Variants in ARFGEF3 observed in about 807,000 individuals in gnomAD.
ARFGEF3 encodes brefeldin A-inhibited guanine nucleotide-exchange protein 3.
ARFGEF3 carries 96 observed loss-of-function variants against 221.7 expected under a neutral mutation model. The observed-to-expected ratio is 0.43, with a 90% CI of 0.37 to 0.51. The LOEUF (loss-of-function observed/expected upper bound fraction) is 0.51. Ranked by LOEUF, ARFGEF3 falls within the 20% of genes least tolerant of loss-of-function variation. ARFGEF3 has a pLI of 0.00. For synonymous variants in ARFGEF3, 1,145 were observed against 1,126.8 expected, an observed-to-expected ratio of 1.02 and a Z score of -0.32; for missense variants, 2,410 against 2,789.9, an observed-to-expected ratio of 0.86 and a Z score of 3.07.
At position 138,338,277 on chromosome 6, in the gene ARFGEF3, T is replaced by C. The variant is rs1409184557; in HGVS notation, c.*1791T>C. On this transcript the variant is annotated 3_prime_UTR_variant, in exon 34 of 34. Coordinates refer to ENST00000251691, the MANE Select transcript of ARFGEF3 (RefSeq NM_020340.5). The stretch of plus-strand genomic sequence containing the variant: ...GAATTTTTACATTTTATAAATGGAA[T>C]TGAAAGTTGGATAACTGCTTTTTTT... 1 of 152,228 alleles carries C rather than the reference T, an allele frequency of 6.6e-6. No individual in the cohort carries two copies. The highest frequency in any genetic ancestry group is 1.5e-5 in the Non-Finnish European group (1 of 68,036). The allele number at this position is 152,228 out of a possible 1,614,324, so 9.4% of individuals were successfully genotyped here.
At chr6:138,230,749 T>A (rs549197166) in intron 5 of ARFGEF3, among the ~76,000 whole-genome samples, 1 of 152,330 alleles carries the variant, frequency 6.6e-6, no homozygotes, top group East Asian at 1.9e-4. Context: ...TCAGCTGACC[T>A]CTCATTACAA....
In ARFGEF3 at chr6:138,334,603, C is replaced by A; in HGVS notation, c.5757C>A (p.His1919Gln). ...MELCNNYIQM[H>Q]LDLENCMEEP... Reference sequence around the variant, plus strand: ...TGTGCAACAACTACATCCAGATGCACTTGGACCTGGAGAACTGTATGGAGG... The same window carrying A: ...TGTGCAACAACTACATCCAGATGCAATTGGACCTGGAGAACTGTATGGAGG... Residue 1919 changes from histidine to glutamine, a missense_variant, in exon 33 of 34, where the codon CAC (histidine) becomes CAA (glutamine). Coordinates refer to ENST00000251691, the MANE Select transcript of ARFGEF3 (RefSeq NM_020340.5). The surrounding 1 kb of genome is among the most constrained non-coding windows in gnomAD (Gnocchi z 5.1). 1 of 1,613,718 alleles carries A rather than the reference C, an allele frequency of 6.2e-7. No individual in the cohort carries two copies. Among genetic ancestry groups the A allele is most frequent in the Non-Finnish European group, 8.5e-7 (1 of 1,179,896 alleles).
chr6:138,330,336 T>C (rs77643919), intron 32 of ARFGEF3, among the ~76,000 whole-genome samples: 9,901 of 152,102 alleles, frequency 0.065, 956 homozygotes, highest in African/African-American at 0.22. Flanking sequence ...ATGGAGAAGA[T>C]GGTCACCTGT....
chr6:138,317,163 A>C, intron 26 of ARFGEF3, 88 bp from the exon 27 acceptor site: 1 of 1,426,442 alleles, frequency 7.0e-7, no homozygotes, highest in South Asian at 1.3e-5. Context: ...AGCACTTGGC[A>C]GTTTACATAC....
chr6:138,264,280 A>AG (rs1412176726), intron 12 of ARFGEF3, among the ~76,000 whole-genome samples: 1 of 152,264 alleles, frequency 6.6e-6, no homozygotes, highest in African/African-American at 2.4e-5. Flanking sequence ...CAGATAAAGA[A>AG]TACAGGGAAG....
At chr6:138,168,644 G>A (rs1325918985) in intron 1 of ARFGEF3, among the ~76,000 whole-genome samples, 1 of 152,208 alleles carries the variant, frequency 6.6e-6, no homozygotes, top group Non-Finnish European at 1.5e-5. Context: ...TGACAGCTTG[G>A]ACCAAAGTGG....
intron 2 of ARFGEF3, among the ~76,000 whole-genome samples, chr6:138,186,902 C>CTTTTTTTT (rs71693484): frequency 6.7e-4 from 51 of 76,054 alleles, no homozygotes; most frequent in African/African-American, 1.8e-3. Flanking sequence ...CATCCTTTTT[C>CTTTTTTTT]TTTTTTTTTT....
intron 2 of ARFGEF3, among the ~76,000 whole-genome samples, chr6:138,202,620 G>A: frequency 6.7e-6 from 1 of 148,182 alleles, no homozygotes; most frequent in African/African-American, 2.5e-5. Flanking sequence ...GTTGATTTTT[G>A]TTAGCTGTTT....
chr6:138,277,783 A>G (rs1053652698), intron 12 of ARFGEF3, among the ~76,000 whole-genome samples: 6 of 152,362 alleles, frequency 3.9e-5, no homozygotes, highest in African/African-American at 1.4e-4. Context: ...TGTTAATATA[A>G]AACTGGGTAG....
In ARFGEF3 at chr6:138,335,181, A is replaced by G; in HGVS notation, c.6335A>G (p.Gln2112Arg). 6.5e-7 allele frequency: 1 copy of G among 1,539,884 alleles called. No homozygotes were observed. The highest frequency in any genetic ancestry group is 8.7e-7 in the Non-Finnish European group (1 of 1,151,578). Reference protein sequence around the residue: ...LSVSVRDAEAQIQAWTNMVLT... With the variant: ...LSVSVRDAEARIQAWTNMVLT... ...GTCTCGGTGAGAGACGCAGAAGCACAGATCCAGGTACATCCCTGTGGCCAC... is the reference window on the plus strand; with the variant it reads ...GTCTCGGTGAGAGACGCAGAAGCACGGATCCAGGTACATCCCTGTGGCCAC... The change falls in exon 33 of 34, where the codon CAG becomes CGG. Residue 2112 changes from glutamine to arginine, a missense_variant. By Grantham distance (43) the Gln-to-Arg change is conservative (BLOSUM62 1). This residue lies in a region of ARFGEF3 where 339 missense variants were observed against 334.9 expected (regional missense o/e 1.01). Transcript: ENST00000251691.
intron 2 of ARFGEF3, among the ~76,000 whole-genome samples, chr6:138,198,054 A>G (rs1387822452): frequency 6.6e-6 from 1 of 152,168 alleles, no homozygotes; most frequent in Admixed American, 6.5e-5. Flanking sequence ...GATTTTTCTT[A>G]TATACATGTG....
chr6:138,257,557 T>G (rs1422535624), intron 10 of ARFGEF3, among the ~76,000 whole-genome samples: 1 of 152,202 alleles, frequency 6.6e-6, no homozygotes, highest in Non-Finnish European at 1.5e-5. Context: ...GTCAAATGGT[T>G]TGCCCAAAGT....
chr6:138,262,450 C>A (rs1778812619), intron 11 of ARFGEF3, among the ~76,000 whole-genome samples: 1 of 152,158 alleles, frequency 6.6e-6, no homozygotes, highest in African/African-American at 2.4e-5. Context: ...CCTCAGCGTC[C>A]CAAAGTGCTG....
At chr6:138,203,079 C>T (rs943828220) in intron 2 of ARFGEF3, among the ~76,000 whole-genome samples, 5 of 152,074 alleles carry the variant, frequency 3.3e-5, no homozygotes, top group Non-Finnish European at 5.9e-5. Flanking sequence ...CATGTAGAGT[C>T]GAGGTTTGGG....
At chr6:138,190,815 G>C (rs1380082598) in intron 2 of ARFGEF3, among the ~76,000 whole-genome samples, 1 of 152,176 alleles carries the variant, frequency 6.6e-6, no homozygotes, top group East Asian at 1.9e-4. Flanking sequence ...CAATACTTTG[G>C]CTAATCTGCA....
intron 10 of ARFGEF3, among the ~76,000 whole-genome samples, chr6:138,259,276 C>G (rs1462003473): frequency 6.6e-6 from 1 of 152,190 alleles, no homozygotes; most frequent in African/African-American, 2.4e-5. Context: ...TATGTTATTT[C>G]CCTGTTCTCG....
At chr6:138,299,113 G>A (rs546956052) in intron 22 of ARFGEF3, among the ~76,000 whole-genome samples, 4 of 144,426 alleles carry the variant, frequency 2.8e-5, no homozygotes, top group Non-Finnish European at 4.5e-5. Flanking sequence ...CAGGAGAATC[G>A]CTTGAACCAG....
At chr6:138,290,160 T>C (rs1779374732) in intron 18 of ARFGEF3, among the ~76,000 whole-genome samples, 192 bp downstream of exon 18, 1 of 152,224 alleles carries the variant, frequency 6.6e-6, no homozygotes, top group South Asian at 2.1e-4. Context: ...CAACTGAATG[T>C]ATGTTTTGAA....
At position 138,286,756 on chromosome 6, in the gene ARFGEF3, T is replaced by A; in HGVS notation, c.2625T>A (p.Thr875=). 6.2e-7 allele frequency: 1 copy of A among 1,614,068 alleles called. No homozygotes were observed. The highest frequency in any genetic ancestry group is 8.5e-7 in the Non-Finnish European group (1 of 1,179,890). Residue 875 remains threonine, a synonymous_variant, in exon 16 of 34, where the codon ACT becomes ACA. Transcript: ENST00000251691. ...LVGCWKNLID[T]LSTPLTGRMA... ...GCTGCTGGAAGAACTTGATCGATAC[T>A]TTATCAACCCCACTGACTGGTCGAA... is the stretch of plus-strand genomic sequence containing the variant.
Sources: gnomAD v4.1 joint callset for allele counts (sites outside exome capture counted in the v4.1 genomes callset) on GRCh38, gnomAD v4.1.1 for gene constraint, gnomAD v4.1.1 regional missense constraint, Gnocchi (gnomAD v3.1) non-coding constraint, MANE v1.5 for transcripts, NCBI Gene and HGNC (gene_info 2026-07-23, HGNC 2026-07-21) for gene names.